The following GRM8 variants were observed in gnomAD, a reference collection of about 807,000 sequenced individuals.
GRM8 encodes the protein glutamate metabotropic receptor 8.
GRM8 carries 47 observed loss-of-function variants against 87.2 expected under a neutral mutation model. That is an observed-to-expected ratio of 0.54 (90% confidence interval 0.43 to 0.69). The LOEUF is 0.69. GRM8 is among the 30% of genes least tolerant of loss of function. GRM8 has a pLI of 0.00. For missense variants in GRM8, 1,019 were observed against 1,139.2 expected, an observed-to-expected ratio of 0.89 and a Z score of 1.52; for synonymous variants, 396 against 404.5, an observed-to-expected ratio of 0.98 and a Z score of 0.25.
intron 7 of GRM8, among the ~76,000 whole-genome samples, chr7:126,646,160 C>T (rs971737708): frequency 5.9e-5 from 9 of 152,164 alleles, no homozygotes; most frequent in Non-Finnish European, 1.3e-4. Flanking sequence ...AACACTTAAC[C>T]TATCTGCATT....
chr7:126,452,162 T>C (rs1802685039), intron 9 of GRM8, among the ~76,000 whole-genome samples: 2 of 151,322 alleles, frequency 1.3e-5, no homozygotes, highest in African/African-American at 2.4e-5. Context: ...GAAACCATCA[T>C]TCTCAGCAAA....
chr7:126,548,165 G>A (rs868055060), intron 8 of GRM8, among the ~76,000 whole-genome samples: 11 of 152,188 alleles, frequency 7.2e-5, no homozygotes, highest in African/African-American at 1.9e-4. Flanking sequence ...GGGGCCTGTC[G>A]TGGGGTGGAG....
intron 9 of GRM8, among the ~76,000 whole-genome samples, chr7:126,471,495 A>G (rs1168982763): frequency 6.6e-6 from 1 of 151,948 alleles, no homozygotes; most frequent in Non-Finnish European, 1.5e-5. Context: ...AAGATCAGAT[A>G]GTTGTAGATA....
chr7:126,699,724 G>A (rs1032781242), intron 7 of GRM8, among the ~76,000 whole-genome samples: 1 of 152,122 alleles, frequency 6.6e-6, no homozygotes, highest in Non-Finnish European at 1.5e-5. Context: ...TCCCTTTGGT[G>A]TGTGTCAAAC....
chr7:126,945,100 T>C (rs1323571740), intron 3 of GRM8, among the ~76,000 whole-genome samples: 6 of 152,132 alleles, frequency 3.9e-5, no homozygotes, highest in Non-Finnish European at 8.8e-5. Flanking sequence ...ATCTATAAAT[T>C]ACATGTGTAG....
intron 6 of GRM8, among the ~76,000 whole-genome samples, chr7:126,788,420 A>AAAAAAAAAAAAAAAAAAAAAAAAAAAAC: frequency 3.1e-4 from 25 of 81,116 alleles, no homozygotes; most frequent in African/African-American, 6.9e-4. Flanking sequence ...AAAAAAAAAA[A>AAAAAAAAAAAAAAAAAAAAAAAAAAAAC]AAACCCTTTC....
chr7:126,798,312 G>A (rs1470682473), intron 6 of GRM8, among the ~76,000 whole-genome samples: 1 of 152,146 alleles, frequency 6.6e-6, no homozygotes, highest in Non-Finnish European at 1.5e-5. Flanking sequence ...ATCAAGGAGA[G>A]TCCTGATGGG....
chr7:126,554,214 A>T (rs7341432), intron 8 of GRM8, among the ~76,000 whole-genome samples: 18 of 152,008 alleles, frequency 1.2e-4, no homozygotes, highest in African/African-American at 4.1e-4. Context: ...AGATTTTTTT[A>T]AATTGTAGAT....
chr7:126,847,988 T>A (rs562705143), intron 6 of GRM8, among the ~76,000 whole-genome samples: 1 of 152,056 alleles, frequency 6.6e-6, no homozygotes, highest in African/African-American at 2.4e-5. Flanking sequence ...GGAGAGGAGA[T>A]TACAAATGGA....
At position 126,442,487 on chromosome 7, in the gene GRM8, T is replaced by C. The variant is rs1459265305; in HGVS notation, c.2678-3319A>G. 3.3e-5 allele frequency among the ~76,000 whole-genome samples: 5 copies of C among 152,138 alleles called. No homozygotes were observed. In the East Asian group the frequency reaches 9.7e-4, roughly 30 times the overall value. ...AAAATTGTCATAAGAGTGATAAAAATGACTGTTAAAAGGGTCATCCAACTT... is the reference window on the plus strand; with the variant it reads ...AAAATTGTCATAAGAGTGATAAAAACGACTGTTAAAAGGGTCATCCAACTT... On this transcript the variant is annotated intron_variant, in intron 10 of 10. Transcript: ENST00000339582.
intron 2 of GRM8, among the ~76,000 whole-genome samples, chr7:127,146,150 T>TA (rs1563541645): frequency 1.3e-5 from 2 of 152,006 alleles, no homozygotes; most frequent in African/African-American, 4.8e-5. Context: ...TTTAAAAAGT[T>TA]ACTGATCTAT....
At chr7:127,058,229 G>A (rs947202184) in intron 3 of GRM8, 2 of 463,336 alleles carry the variant, frequency 4.3e-6, no homozygotes, top group Non-Finnish European at 4.4e-6. Context: ...CTGGCCCCAG[G>A]AAGGGCAAGA....
intron 3 of GRM8, among the ~76,000 whole-genome samples, chr7:126,970,494 T>G (rs1051817022): frequency 6.6e-6 from 1 of 152,148 alleles, no homozygotes. Context: ...CCTTCCTTTA[T>G]AAAATTGAGG....
chr7:126,758,644 T>A (rs1000634833), intron 7 of GRM8, among the ~76,000 whole-genome samples: 1 of 152,186 alleles, frequency 6.6e-6, no homozygotes, highest in Non-Finnish European at 1.5e-5. Flanking sequence ...TTAATGAATG[T>A]TAAATGAATG....
intron 9 of GRM8, among the ~76,000 whole-genome samples, chr7:126,499,855 T>C (rs1809376632): frequency 6.6e-6 from 1 of 151,960 alleles, no homozygotes; most frequent in Non-Finnish European, 1.5e-5. Context: ...ACATAAGTTC[T>C]AGTGATTTAC....
At chr7:126,852,722 C>A (rs1299265925) in intron 6 of GRM8, among the ~76,000 whole-genome samples, 1 of 152,088 alleles carries the variant, frequency 6.6e-6, no homozygotes, top group Non-Finnish European at 1.5e-5. Context: ...TTATTCCTCA[C>A]AAAATCCAGC....
intron 3 of GRM8, among the ~76,000 whole-genome samples, chr7:127,018,629 TG>T (rs1464326951): frequency 6.6e-6 from 1 of 151,962 alleles, no homozygotes; most frequent in Non-Finnish European, 1.5e-5. Flanking sequence ...CGGCCTGCCT[TG>T]TAGCTAGGGG....
At chr7:126,637,598 G>A (rs1474929698) in intron 7 of GRM8, among the ~76,000 whole-genome samples, 2 of 152,224 alleles carry the variant, frequency 1.3e-5, no homozygotes, top group East Asian at 3.9e-4. Context: ...ATTTCTCCTT[G>A]CACAAAATAT....
At chr7:126,755,323 C>T (rs377736593) in intron 7 of GRM8, among the ~76,000 whole-genome samples, 110 of 152,002 alleles carry the variant, frequency 7.2e-4, no homozygotes, top group African/African-American at 2.5e-3. Flanking sequence ...ATGGTTTTGG[C>T]TGAAGTTTAT....
Sources: allele counts gnomAD v4.1 joint callset (sites outside exome capture counted in the v4.1 genomes callset), GRCh38; gene constraint gnomAD v4.1.1; transcripts MANE v1.5; gene names NCBI Gene and HGNC (gene_info 2026-07-23, HGNC 2026-07-21).